Variants in APOO observed in about 807,000 individuals in gnomAD.
APOO encodes the protein apolipoprotein O, also known as MICOS complex subunit MIC26.
Under a neutral mutation model 23.1 loss-of-function variants are expected in APOO, and 11 were observed. The observed-to-expected ratio is 0.48, with a 90% CI of 0.30 to 0.79. The LOEUF is 0.79. APOO is among the 30% of genes least tolerant of loss of function. The pLI is 0.07. For synonymous variants in APOO, 59 were observed against 54.8 expected (o/e 1.08, Z -0.34); for missense variants, 160 against 142.7 (o/e 1.12, Z -0.62).
chrX:23,886,005 ATTTGGGTTGGGTCCTTC>A (rs745658012), intron 1 of APOO, among the ~76,000 whole-genome samples: 64 of 111,851 alleles, frequency 5.7e-4, no homozygotes, highest in African/African-American at 2.0e-3. Flanking sequence ...CACTACTGAC[ATTTGGGTTGGGTCCTTC>A]TTTGTGGGGC....
At chrX:23,842,327 T>A (rs988171745) in intron 7 of APOO, among the ~76,000 whole-genome samples, 6 of 111,649 alleles carry the variant, frequency 5.4e-5, no homozygotes, top group African/African-American at 1.6e-4. Flanking sequence ...AGGTTGAGGC[T>A]GCAGTAAGCT....
chrX:23,856,249 G>C (rs1013702517), intron 7 of APOO, 53 bp downstream of exon 7: 2 of 1,094,729 alleles, frequency 1.8e-6, no homozygotes, highest in African/African-American at 1.8e-5. Context: ...CAAAACCCTA[G>C]AGAAACCACA....
intron 1 of APOO, among the ~76,000 whole-genome samples, chrX:23,896,283 G>T (rs1926904701): frequency 9.1e-6 from 1 of 109,880 alleles, no homozygotes; most frequent in African/African-American, 3.3e-5. Flanking sequence ...AAAAAAATAT[G>T]ATGTTAACAG....
At chrX:23,843,579 CTTTTTTTTT>C in intron 7 of APOO, among the ~76,000 whole-genome samples, 1 of 61,727 alleles carries the variant, frequency 1.6e-5, no homozygotes, top group South Asian at 1.4e-3. Flanking sequence ...ATGACAATTT[CTTTTTTTTT>C]TTTTTTTTTT....
intron 4 of APOO, among the ~76,000 whole-genome samples, chrX:23,872,973 C>T (rs1310473976): frequency 4.5e-5 from 5 of 110,547 alleles, no homozygotes; most frequent in Non-Finnish European, 9.4e-5. Flanking sequence ...ATTGCTTGAA[C>T]CTGGGAGGCA....
At chrX:23,877,913 T>C (rs1020855954) in intron 3 of APOO, among the ~76,000 whole-genome samples, 1 of 112,361 alleles carries the variant, frequency 8.9e-6, no homozygotes, top group Non-Finnish European at 1.9e-5. Flanking sequence ...AACATATGTA[T>C]CAAAGCCTAC....
At chrX:23,876,760 C>G (rs1159571104) in intron 3 of APOO, among the ~76,000 whole-genome samples, 1 of 111,805 alleles carries the variant, frequency 8.9e-6, no homozygotes, top group Non-Finnish European at 1.9e-5. Flanking sequence ...GACTGCACCA[C>G]TGCACTCCAG....
At chrX:23,898,913 A>G (rs145801157) in intron 1 of APOO, among the ~76,000 whole-genome samples, 1,361 of 112,747 alleles carry the variant, frequency 0.012, 21 homozygotes, top group African/African-American at 0.041. Context: ...GAATGGGGGA[A>G]AAGAAAAAAA....
chrX:23,903,858 G>T (rs1192467884), intron 1 of APOO, among the ~76,000 whole-genome samples: 1 of 110,676 alleles, frequency 9.0e-6, no homozygotes, highest in East Asian at 2.8e-4. Flanking sequence ...CTCTCGGGTG[G>T]GAATATCTCT....
chrX:23,891,249 CAG>C (rs1401054440), intron 1 of APOO, among the ~76,000 whole-genome samples: 2 of 110,225 alleles, frequency 1.8e-5, no homozygotes, highest in African/African-American at 6.6e-5. Flanking sequence ...TTCTTTCAGA[CAG>C]AGTCTCGCTC....
intron 6 of APOO, among the ~76,000 whole-genome samples, 157 bp downstream of exon 6, chrX:23,858,485 T>C (rs973854413): frequency 1.8e-5 from 2 of 112,280 alleles, no homozygotes; most frequent in African/African-American, 3.2e-5. Flanking sequence ...AGGCATATAG[T>C]GGAGAAAATC....
rs779767408 is a variant in APOO at position 23,892,747 on chromosome X, G to A, written c.10-11795C>T. 6.8e-5 allele frequency among the ~76,000 whole-genome samples: 7 copies of A among 102,493 alleles called. No individual in the cohort carries two copies. The East Asian group carries it at 9.5e-4, about 14-fold the overall frequency. The allele number at this position is 102,493 out of a possible 115,157, so 89.0% of individuals were successfully genotyped here. A position where few individuals can be genotyped will look rare whatever the true frequency, so the allele number is the denominator to read the frequency against. On this transcript the variant is annotated intron_variant, in intron 1 of 8. Coordinates refer to ENST00000379226, the MANE Select transcript of APOO (RefSeq NM_024122.5). ...CGCGCCACTGCACTCCAACCTGGGC[G>A]ACAGAGCGGGACTCCGTCACAAAAA...
chrX:23,843,135 A>T (rs755079918), intron 7 of APOO, among the ~76,000 whole-genome samples: 2 of 111,984 alleles, frequency 1.8e-5, no homozygotes, highest in South Asian at 7.3e-4. Flanking sequence ...TACTATCTAT[A>T]CTCGCCAGTA....
intron 1 of APOO, among the ~76,000 whole-genome samples, chrX:23,899,796 G>A (rs766193946): frequency 2.5e-4 from 28 of 112,358 alleles, no homozygotes; most frequent in Non-Finnish European, 4.7e-4. Context: ...ATGCAAGTTC[G>A]TTTCCTAGCC....
At chrX:23,844,944 T>A (rs1211753147) in intron 7 of APOO, among the ~76,000 whole-genome samples, 1 of 112,111 alleles carries the variant, frequency 8.9e-6, no homozygotes, top group Non-Finnish European at 1.9e-5. Flanking sequence ...TCCAGCCATT[T>A]CATATGTTCC....
chrX:23,877,193 T>C (rs769264653), intron 3 of APOO, among the ~76,000 whole-genome samples: 17 of 112,143 alleles, frequency 1.5e-4, no homozygotes, highest in Non-Finnish European at 3.0e-4. Flanking sequence ...CATGCCTACA[T>C]GATACAAAAA....
intron 5 of APOO, among the ~76,000 whole-genome samples, chrX:23,863,734 G>C (rs370129913): frequency 9.0e-6 from 1 of 110,964 alleles, no homozygotes; most frequent in Non-Finnish European, 1.9e-5. Flanking sequence ...TTAAACCCAA[G>C]AAAGTGTGAA....
chrX:23,878,962 T>A lies in APOO; in HGVS notation c.190A>T (p.Ile64Phe), dbSNP rs979506043. ...EEARSQLEES[I>F]SQLRHYCEPY... Reference sequence around the variant, plus strand: ...TCGCAATAGTGTCGGAGCTGTGAGATGCTTTCTTCAAGCTGGCTCCTTGCC... The same window carrying A: ...TCGCAATAGTGTCGGAGCTGTGAGAAGCTTTCTTCAAGCTGGCTCCTTGCC... Residue 64 changes from isoleucine to phenylalanine, a missense_variant, in exon 3 of 9, where the codon ATC becomes TTC. Transcript: ENST00000379226. 8.3e-7 allele frequency: 1 copy of A among 1,211,766 alleles called. No homozygotes were observed. The highest frequency in any genetic ancestry group is 1.8e-5 in the South Asian group (1 of 57,017).
At chrX:23,864,886 A>G (rs1044039535) in intron 5 of APOO, among the ~76,000 whole-genome samples, 4 of 110,990 alleles carry the variant, frequency 3.6e-5, no homozygotes, top group Non-Finnish European at 7.6e-5. Context: ...AGGACCAGGG[A>G]AAGAGCAGCC....
Sources: allele counts gnomAD v4.1 joint callset (sites outside exome capture counted in the v4.1 genomes callset), GRCh38; gene constraint gnomAD v4.1.1; transcripts MANE v1.5; gene names NCBI Gene and HGNC (gene_info 2026-07-23, HGNC 2026-07-21).